LIG1: variants seen among roughly 807,000 people sequenced by gnomAD.
LIG1 encodes the protein DNA ligase 1.
LIG1 carries 70 observed loss-of-function variants against 115.7 expected under a neutral mutation model. The observed-to-expected ratio is 0.60, with a 90% CI of 0.50 to 0.74. The LOEUF (loss-of-function observed/expected upper bound fraction) is 0.74. Among genes scored for constraint, LIG1 ranks in the 30% least tolerant of loss-of-function variants. The probability of loss-of-function intolerance (pLI) is 0.00; values close to 1 mark genes in which losing one functional copy is unlikely to be tolerated. For missense variants in LIG1, 1,115 were observed against 1,225.6 expected (o/e 0.91, Z 1.35); for synonymous variants, 487 against 495.3 (o/e 0.98, Z 0.22).
chr19:48,162,417 T>C (rs2036233971), intron 2 of LIG1, 66 bp from the exon 3 acceptor site: 3 of 1,140,874 alleles, frequency 2.6e-6, no homozygotes, highest in Admixed American at 2.0e-5. Flanking sequence ...CTATCTATGC[T>C]GTATCCTATA....
intron 24 of LIG1, chr19:48,120,797 AAAAAAAAAATGTGGGGAC>A (rs1219733038): frequency 1.5e-4 from 65 of 439,402 alleles, no homozygotes; most frequent in African/African-American, 1.2e-3. Flanking sequence ...CACATGGCAG[AAAAAAAAAATGTGGGGAC>A]AAAAAAAAAT....
chr19:48,132,532 C>G (rs1226914514), intron 18 of LIG1, among the ~76,000 whole-genome samples: 1 of 151,986 alleles, frequency 6.6e-6, no homozygotes, highest in Non-Finnish European at 1.5e-5. Context: ...TGGTTCATGC[C>G]TGTAATCCCA....
chr19:48,121,091 G>C (rs1036135842), intron 24 of LIG1, 79 bp downstream of exon 24: 2 of 1,611,384 alleles, frequency 1.2e-6, no homozygotes, highest in Admixed American at 1.7e-5. Context: ...CCTCGGTCTG[G>C]GTTGTGCAAT....
chr19:48,125,252 C>G (rs973418933), intron 21 of LIG1, among the ~76,000 whole-genome samples: 2 of 152,132 alleles, frequency 1.3e-5, no homozygotes, highest in Non-Finnish European at 1.5e-5. Context: ...ACCAGCTGAG[C>G]AGGGATGATC....
chr19:48,165,365 T>C (rs1458215451), intron 2 of LIG1, among the ~76,000 whole-genome samples, 185 bp downstream of exon 2: 1 of 152,204 alleles, frequency 6.6e-6, no homozygotes, highest in Non-Finnish European at 1.5e-5. Flanking sequence ...CTAAAAACTG[T>C]TGTTCAATAC....
intron 24 of LIG1, chr19:48,120,639 T>C (rs1028635711): frequency 2.4e-6 from 2 of 817,564 alleles, no homozygotes; most frequent in Non-Finnish European, 3.0e-6. Flanking sequence ...TGGAGCAAAG[T>C]GATGAGCAAC....
At chr19:48,160,340 G>C (rs577621786) in intron 4 of LIG1, among the ~76,000 whole-genome samples, 5 of 152,350 alleles carry the variant, frequency 3.3e-5, no homozygotes, top group African/African-American at 1.2e-4. Flanking sequence ...GGGAAAGAGA[G>C]TTTTAGGCTG....
In LIG1 at chr19:48,123,008, C is replaced by G. The variant is rs745363891; in HGVS notation, c.2158G>C (p.Glu720Gln). The change falls in exon 23 of 28, where the codon GAG (glutamate) becomes CAG (glutamine). Residue 720 changes from glutamate to glutamine, a missense_variant. By Grantham distance (29) the Glu-to-Gln change is conservative. Coordinates refer to ENST00000263274, the MANE Select transcript of LIG1 (RefSeq NM_000234.3). ...TCCAGGGTCTTCACCATCAGCCCCTCGCAGGAGTCTGAGGGAGACACAGAA... is the reference window on the plus strand; with the variant it reads ...TCCAGGGTCTTCACCATCAGCCCCTGGCAGGAGTCTGAGGGAGACACAGAA... ...FLEQSVKDSC[E>Q]GLMVKTLDVD... is the part of the protein sequence containing the mutation. The G allele has an allele frequency of 1.2e-6, 2 of 1,613,758 alleles. No homozygotes were observed. The highest frequency in any genetic ancestry group is 4.5e-5 in the East Asian group (2 of 44,868).
intron 4 of LIG1, among the ~76,000 whole-genome samples, chr19:48,157,834 C>T (rs1045052393): frequency 1.4e-4 from 21 of 152,208 alleles, no homozygotes; most frequent in African/African-American, 5.1e-4. Context: ...GCGTGAGCCC[C>T]CGTGCCCAGC....
chr19:48,115,887 T>C lies in LIG1; in HGVS notation c.2662A>G (p.Thr888Ala), dbSNP rs756514492. ...CAGGACCTCACCTGAGCACTGGTGG[T>C]GGCCTGCTCCGGCTGCTTGTCTTCA... ...VREDKQPEQATTSAQVACLYR... is the reference protein window; with the variant it reads ...VREDKQPEQAATSAQVACLYR... The change falls in exon 27 of 28, where the codon ACC (threonine) becomes GCC (alanine). Residue 888 changes from threonine (T) to alanine (A), a missense_variant. By Grantham distance (58) the Thr-to-Ala change is moderately conservative. Coordinates refer to ENST00000263274, the MANE Select transcript of LIG1 (RefSeq NM_000234.3). 2 of 1,613,722 alleles carry C rather than the reference T, an allele frequency of 1.2e-6. No homozygotes were observed. The highest frequency in any genetic ancestry group is 2.7e-5 in the African/African-American group (2 of 74,890).
intron 4 of LIG1, among the ~76,000 whole-genome samples, chr19:48,160,606 C>T (rs1459815539): frequency 1.3e-5 from 2 of 152,154 alleles, no homozygotes; most frequent in Non-Finnish European, 2.9e-5. Flanking sequence ...CTTTGGACAT[C>T]ATCCACAAAG....
At chr19:48,142,793 G>A (rs921994780) in intron 11 of LIG1, among the ~76,000 whole-genome samples, 1 of 152,010 alleles carries the variant, frequency 6.6e-6, no homozygotes, top group Non-Finnish European at 1.5e-5. Context: ...ACAGGCACCC[G>A]CCACCATGCT....
At chr19:48,159,731 T>TATC (rs2036062356) in intron 4 of LIG1, among the ~76,000 whole-genome samples, 2 of 151,806 alleles carry the variant, frequency 1.3e-5, no homozygotes, top group East Asian at 1.9e-4. Flanking sequence ...ATTTATTTAT[T>TATC]TTTTGAGACA....
At chr19:48,164,750 T>C (rs1167757036) in intron 2 of LIG1, among the ~76,000 whole-genome samples, 1 of 152,238 alleles carries the variant, frequency 6.6e-6, no homozygotes, top group East Asian at 1.9e-4. Flanking sequence ...GTTTCAATGA[T>C]ATAAGTCAAG....
intron 4 of LIG1, among the ~76,000 whole-genome samples, chr19:48,160,391 G>A (rs870232): frequency 0.017 from 2,591 of 152,266 alleles, 91 homozygotes; most frequent in African/African-American, 0.056. Flanking sequence ...TGCACCTGGT[G>A]GGTGTGGGAA....
Position 48,140,126 on chromosome 19 carries a change from G to A in LIG1, c.932C>T (p.Thr311Met), listed in dbSNP as rs779134053. The A allele has an allele frequency of 1.4e-5, 22 of 1,612,572 alleles. No homozygotes were observed. The highest frequency in any genetic ancestry group is 3.4e-4 in the Middle Eastern group (2 of 5,940). Residue 311 changes from threonine to methionine, a missense_variant, in exon 12 of 28, where the codon ACG (threonine) becomes ATG (methionine). By Grantham distance (81) the Thr-to-Met change is moderately conservative. Coordinates refer to ENST00000263274, the MANE Select transcript of LIG1 (RefSeq NM_000234.3). The part of the protein sequence containing the change: ...EVSARLRMVE[T>M]LSNLLRSVVA... ...CACGGAGCGCAGCAAGTTGCTCAGC[G>A]TCTCCACCATCCGGAGCCTGGAGGA...
chr19:48,124,735 G>A (rs575959942), intron 21 of LIG1, among the ~76,000 whole-genome samples: 1 of 152,232 alleles, frequency 6.6e-6, no homozygotes, highest in East Asian at 1.9e-4. Context: ...AGAAATGTAG[G>A]CTACTGCAGT....
At chr19:48,129,466 G>A (rs80265062) in intron 19 of LIG1, among the ~76,000 whole-genome samples, 1,730 of 152,308 alleles carry the variant, frequency 0.011, 28 homozygotes, top group African/African-American at 0.039. Context: ...CTGCTCTGCT[G>A]GGCTGTGAGC....
chr19:48,130,163 A>G (rs374767441), intron 19 of LIG1, among the ~76,000 whole-genome samples: 18 of 152,376 alleles, frequency 1.2e-4, no homozygotes, highest in Middle Eastern at 3.4e-3. Context: ...CATAGTGCAC[A>G]CTGAAAATCA....
Sources: gnomAD v4.1 joint callset for allele counts (sites outside exome capture counted in the v4.1 genomes callset) on GRCh38, gnomAD v4.1.1 for gene constraint, MANE v1.5 for transcripts, NCBI Gene and HGNC (gene_info 2026-07-23, HGNC 2026-07-21) for gene names.